PKHD1L1: variants seen among roughly 807,000 people sequenced by gnomAD.
The protein encoded by PKHD1L1 is PKHD1 like 1, also known as fibrocystin-L.
Under a neutral mutation model 462.9 loss-of-function variants are expected in PKHD1L1, and 434 were observed. That is an observed-to-expected ratio of 0.94 (90% confidence interval 0.87 to 1.02). The LOEUF (loss-of-function observed/expected upper bound fraction) is 1.02. Among genes scored for constraint, PKHD1L1 ranks in the 50% least tolerant of loss-of-function variants. The pLI, the probability that PKHD1L1 is intolerant of heterozygous loss-of-function variation, is 0.00. For missense variants in PKHD1L1, 5,202 were observed against 5,096.1 expected (o/e 1.02, Z -0.63); for synonymous variants, 1,781 against 1,750.0 (o/e 1.02, Z -0.44).
At chr8:109,432,517 TATCTATCTATCC>T (rs1815167172) in intron 27 of PKHD1L1, among the ~76,000 whole-genome samples, 1 of 148,528 alleles carries the variant, frequency 6.7e-6, no homozygotes, top group African/African-American at 2.6e-5. Context: ...TGTAATTATC[TATCTATCTATCC>T]ATCTATCTAT....
At position 109,435,256 on chromosome 8, in the gene PKHD1L1, C is replaced by T. The variant is rs183995656; in HGVS notation, c.3407C>T (p.Ala1136Val). 68 of 1,613,824 alleles carry T rather than the reference C, an allele frequency of 4.2e-5. No individual in the cohort carries two copies. In the Admixed American group the frequency reaches 7.0e-4, roughly 17 times the overall value. Residue 1136 changes from alanine (A) to valine (V), a missense_variant, in exon 29 of 78, where the codon GCT becomes GTT. By Grantham distance (64) the Ala-to-Val change is moderately conservative (BLOSUM62 0). This residue lies in a region of PKHD1L1 where 4,497 missense variants were observed against 4,336.8 expected (regional missense o/e 1.04). Transcript: ENST00000378402. Reference protein sequence around the residue: ...AGHAPVAVSMADVGLAQNVGG... With the variant: ...AGHAPVAVSMVDVGLAQNVGG... Reference sequence around the variant, plus strand: ...CATGCCCCCGTTGCTGTGTCCATGGCTGATGTTGGACTAGCACAGAATGTA... The same window carrying T: ...CATGCCCCCGTTGCTGTGTCCATGGTTGATGTTGGACTAGCACAGAATGTA...
chr8:109,511,630 T>C (rs1368771994), intron 71 of PKHD1L1, among the ~76,000 whole-genome samples: 3 of 152,100 alleles, frequency 2.0e-5, no homozygotes, highest in African/African-American at 7.2e-5. Flanking sequence ...GTCTTTGCTA[T>C]TGTGAATAGT....
At chr8:109,505,743 T>C (rs1258658061) in intron 68 of PKHD1L1, among the ~76,000 whole-genome samples, 2 of 151,256 alleles carry the variant, frequency 1.3e-5, no homozygotes, top group African/African-American at 4.9e-5. Context: ...TACAAAAAAT[T>C]AAAAAATAAA....
chr8:109,396,372 A>G (rs1812976303), intron 11 of PKHD1L1, among the ~76,000 whole-genome samples: 1 of 152,160 alleles, frequency 6.6e-6, no homozygotes, highest in African/African-American at 2.4e-5. Flanking sequence ...GATGGCACCA[A>G]CAGGCTTTGT....
At chr8:109,448,815 T>C (rs1026035928) in intron 39 of PKHD1L1, among the ~76,000 whole-genome samples, 1 of 152,146 alleles carries the variant, frequency 6.6e-6, no homozygotes, top group Admixed American at 6.5e-5. Flanking sequence ...AACTTTAAAA[T>C]ATAATACCTT....
At chr8:109,527,609 T>C (rs1016320911) in intron 77 of PKHD1L1, among the ~76,000 whole-genome samples, 3 of 152,250 alleles carry the variant, frequency 2.0e-5, no homozygotes, top group African/African-American at 7.2e-5. Context: ...ATTCTTAGCT[T>C]GAATTGATCT....
chr8:109,443,290 C>T (rs1160121082), intron 36 of PKHD1L1, among the ~76,000 whole-genome samples, 174 bp downstream of exon 36: 6 of 152,114 alleles, frequency 3.9e-5, no homozygotes, highest in Admixed American at 2.0e-4. Flanking sequence ...AAGTAAGGAT[C>T]GCATTAATGT....
Position 109,481,527 on chromosome 8 carries a change from T to C in PKHD1L1, c.9422T>C (p.Leu3141Pro). Residue 3141 changes from leucine (L) to proline (P), a missense_variant, in exon 56 of 78, where the codon CTT becomes CCT. Coordinates refer to ENST00000378402, the MANE Select transcript of PKHD1L1 (RefSeq NM_177531.6). ...AATCATACTACACAAGACTGGGCTC[T>C]TCCAGAAGGACCAAATCAAGGGGCA... is the stretch of plus-strand genomic sequence containing the variant. ...RGNHTTQDWA[L>P]PEGPNQGAKV... 1 of 1,595,882 alleles carries C rather than the reference T, an allele frequency of 6.3e-7. No individual in the cohort carries two copies. Among genetic ancestry groups the C allele is most frequent in the Non-Finnish European group, 8.5e-7 (1 of 1,170,436 alleles).
chr8:109,371,242 C>T (rs186485978), intron 2 of PKHD1L1, among the ~76,000 whole-genome samples: 5 of 152,326 alleles, frequency 3.3e-5, no homozygotes, highest in Non-Finnish European at 5.9e-5. Context: ...ATTTGCATTT[C>T]TCTAATGGCC....
At chr8:109,409,793 A>G in intron 18 of PKHD1L1, 72 bp from the exon 19 acceptor site, 1 of 682,312 alleles carries the variant, frequency 1.5e-6, no homozygotes. Context: ...AATTAGTAGA[A>G]TCAGTAGTAG....
intron 58 of PKHD1L1, among the ~76,000 whole-genome samples, chr8:109,485,868 T>C (rs1818498769): frequency 6.6e-6 from 1 of 152,006 alleles, no homozygotes; most frequent in Non-Finnish European, 1.5e-5. Context: ...AGCGCATGTG[T>C]CTATAATTCT....
intron 65 of PKHD1L1, among the ~76,000 whole-genome samples, chr8:109,498,073 C>T (rs1819204971): frequency 2.0e-5 from 3 of 147,480 alleles, no homozygotes; most frequent in East Asian, 2.1e-4. Flanking sequence ...TAGTACTATT[C>T]ATTATCATGT....
chr8:109,369,120 A>G (rs968271362), intron 2 of PKHD1L1, among the ~76,000 whole-genome samples: 6 of 152,108 alleles, frequency 3.9e-5, no homozygotes, highest in Admixed American at 3.3e-4. Flanking sequence ...CAGGGTTTAC[A>G]GGCACCTGCC....
At position 109,536,939 on chromosome 8, in the gene PKHD1L1, T is replaced by C. The variant is rs1038355937; in HGVS notation, c.*6849T>C. Among the ~76,000 whole-genome samples, 2 of 152,354 alleles carry C rather than the reference T, an allele frequency of 1.3e-5. No individual in the cohort carries two copies. Among genetic ancestry groups the C allele is most frequent in the Admixed American group, 6.5e-5 (1 of 15,308 alleles). On this transcript the variant is annotated 3_prime_UTR_variant, in exon 78 of 78. Transcript: ENST00000378402. ...ATTGACCCTAACTAGTATATGGTGA[T>C]TTTGAGTATTAAAAAAGAAGTTATA...
Position 109,445,219 on chromosome 8 carries a change from G to T in PKHD1L1, c.5350G>T (p.Gly1784Ter), listed in dbSNP as rs761033620. ...TVLEDIAVFI[G>*]NQQFRAIEVN... ...TTTGGAGGACATTGCTGTTTTCATT[G>T]GAAATCAACAGTTCAGAGCAATAGA... Residue 1784 changes from glycine (G) to a stop codon, truncating the protein, a stop_gained, in exon 38 of 78, where the codon GGA (glycine) becomes TGA (stop). Transcript: ENST00000378402. LOFTEE classifies it high-confidence loss of function. 1 of 1,613,912 alleles carries T rather than the reference G, an allele frequency of 6.2e-7. No homozygotes were observed. Among genetic ancestry groups the T allele is most frequent in the South Asian group, 1.1e-5 (1 of 91,072 alleles).
chr8:109,444,829 C>T lies in PKHD1L1; in HGVS notation c.4960C>T (p.Arg1654Ter), dbSNP rs557260323. Residue 1654 changes from arginine to a stop codon, truncating the protein, a stop_gained, in exon 38 of 78, where the codon CGA (arginine) becomes TGA (stop). Transcript: ENST00000378402. LOFTEE classifies it high-confidence loss of function. The part of the protein sequence containing the change: ...INTLSNEFDR[R>*]FVLLPNIDLV... ...TACGTTGTCCAATGAATTTGATAGG[C>T]GATTTGTACTTTTGCCAAACATTGA... 54 of 1,613,932 alleles carry T rather than the reference C, an allele frequency of 3.3e-5. No homozygotes were observed. The highest frequency in any genetic ancestry group is 5.3e-5 in the African/African-American group (4 of 75,020).
rs78149325 is a variant in PKHD1L1, at chr8:109,521,956, T to C, written c.12032-230T>C. On this transcript the variant is annotated intron_variant, in intron 73 of 77. Coordinates refer to ENST00000378402, the MANE Select transcript of PKHD1L1 (RefSeq NM_177531.6). The stretch of plus-strand genomic sequence containing the variant: ...TCATTCGTTTTTCTTGTATCTGTTT[T>C]ATCTACCTTTGTTTTTCCTTTAATT... Among the ~76,000 whole-genome samples, 1,011 of 152,334 alleles carry C rather than the reference T, an allele frequency of 6.6e-3. 9 individuals carry two copies. Among genetic ancestry groups the C allele is most frequent in the African/African-American group, 0.023 (964 of 41,580 alleles).
Position 109,490,011 on chromosome 8 carries a change from A to G in PKHD1L1, c.9940A>G (p.Ser3314Gly), listed in dbSNP as rs1818750157. Residue 3314 changes from serine to glycine, a missense_variant, in exon 60 of 78, where the codon AGC becomes GGC. This residue lies in a region of PKHD1L1 where 4,497 missense variants were observed against 4,336.8 expected (regional missense o/e 1.04). Transcript: ENST00000378402. ...YHSGQEGFRD[S>G]TDPRYAVTFL... ...CAGTGGTCAAGAAGGCTTCAGGGAT[A>G]GCACAGATCCAAGATATGCTGTAAC... 1.2e-6 allele frequency: 2 copies of G among 1,609,516 alleles called. No individual in the cohort carries two copies. Among genetic ancestry groups the G allele is most frequent in the African/African-American group, 1.3e-5 (1 of 74,750 alleles).
Position 109,438,439 on chromosome 8 carries a change from A to G in PKHD1L1, c.3743A>G (p.Lys1248Arg). ...QTPIITDFSP[K>R]VRTILGEVNL... ...CCAATTATAACTGATTTTAGTCCAA[A>G]AGTACGAACAATACTAGGTAAGAAA... The change falls in exon 31 of 78, where the codon AAA (lysine) becomes AGA (arginine). Residue 1248 changes from lysine to arginine, a missense_variant. Transcript: ENST00000378402. 6.5e-7 allele frequency: 1 copy of G among 1,540,872 alleles called. No individual in the cohort carries two copies. Among genetic ancestry groups the G allele is most frequent in the Non-Finnish European group, 8.8e-7 (1 of 1,141,022 alleles).
Sources: gnomAD v4.1 joint callset for allele counts (sites outside exome capture counted in the v4.1 genomes callset) on GRCh38, gnomAD v4.1.1 for gene constraint, gnomAD v4.1.1 regional missense constraint, MANE v1.5 for transcripts, NCBI Gene and HGNC (gene_info 2026-07-23, HGNC 2026-07-21) for gene names.